PDE8B: variants seen among roughly 807,000 people sequenced by gnomAD.
PDE8B encodes the protein phosphodiesterase 8B, also known as high affinity cAMP-specific and IBMX-insensitive 3',5'-cyclic phosphodiesterase 8B.
PDE8B carries 26 observed loss-of-function variants against 101.3 expected under a neutral mutation model. That is an observed-to-expected ratio of 0.26 (90% CI 0.19 to 0.36). The LOEUF is 0.36. PDE8B is among the 10% of genes least tolerant of loss of function. The pLI is 1.00. For synonymous variants in PDE8B, 424 were observed against 429.3 expected (o/e 0.99, Z 0.15); for missense variants, 810 against 1,163.1 (o/e 0.70, Z 4.42).
At chr5:77,419,143 A>C (rs1451999671) in intron 18 of PDE8B, among the ~76,000 whole-genome samples, 1 of 152,146 alleles carries the variant, frequency 6.6e-6, no homozygotes, top group Non-Finnish European at 1.5e-5. Flanking sequence ...AGTATCGAGG[A>C]TGGGTTTTTA....
chr5:77,157,554 C>A, the PDE8B span, among the ~76,000 whole-genome samples: 1 of 152,074 alleles, frequency 6.6e-6, no homozygotes, highest in Non-Finnish European at 1.5e-5. Flanking sequence ...AGTCATGAGG[C>A]GAACTATATA....
At chr5:77,152,004 C>G in the PDE8B span, 1 of 152,168 alleles carries the variant, frequency 6.6e-6, no homozygotes, top group Non-Finnish European at 1.5e-5. Flanking sequence ...CACTGCTCCC[C>G]CTCCCCAACC....
the PDE8B span, among the ~76,000 whole-genome samples, chr5:77,156,388 AG>A: frequency 2.0e-5 from 3 of 152,332 alleles, no homozygotes; most frequent in East Asian, 5.8e-4. Flanking sequence ...TTCAGTGCTG[AG>A]GAGAGTTCAG....
intron 12 of PDE8B, among the ~76,000 whole-genome samples, chr5:77,406,398 G>A (rs1442348474): frequency 6.6e-6 from 1 of 152,230 alleles, no homozygotes; most frequent in East Asian, 1.9e-4. Context: ...AATATAAAGA[G>A]AATATGAATC....
In PDE8B at chr5:77,211,141, C is replaced by G. The variant is rs1316526567; in HGVS notation, c.216C>G (p.Thr72=). The change falls in exon 1 of 22, where the codon ACC becomes ACG. Residue 72 remains threonine, a synonymous_variant. Coordinates refer to ENST00000264917, the MANE Select transcript of PDE8B (RefSeq NM_003719.5). The surrounding 1 kb of genome is among the most constrained non-coding windows in gnomAD (Gnocchi z 4.1). ...TAGCCCGCGTCCGCAGGGCCCGCAC[C>G]GAGCTGGGCAGCGGTAGCAGCGCGG... ...PSVARVRRAR[T]ELGSGSSAGS... The G allele has an allele frequency of 1.8e-5, 28 of 1,524,314 alleles. No homozygotes were observed. Among genetic ancestry groups the G allele is most frequent in the Middle Eastern group, 1.9e-4 (1 of 5,232 alleles). 94.4% of individuals were successfully genotyped at this position (1,524,314 alleles called of 1,614,324 possible).
chr5:77,239,047 A>G (rs1038961645), intron 1 of PDE8B, among the ~76,000 whole-genome samples: 1 of 152,236 alleles, frequency 6.6e-6, no homozygotes, highest in African/African-American at 2.4e-5. Flanking sequence ...CCCTTAGCCC[A>G]GTCAAATTGA....
At chr5:77,240,620 C>G (rs1755587330) in intron 1 of PDE8B, among the ~76,000 whole-genome samples, 1 of 152,178 alleles carries the variant, frequency 6.6e-6, no homozygotes, top group African/African-American at 2.4e-5. Context: ...CTAGGGCTAG[C>G]TATTAATATC....
intron 1 of PDE8B, among the ~76,000 whole-genome samples, chr5:77,309,765 G>C (rs13170957): frequency 2.7e-5 from 4 of 150,914 alleles, no homozygotes; most frequent in Non-Finnish European, 4.4e-5. Context: ...GATTACAGGC[G>C]CCCAACACCA....
At chr5:77,136,943 T>C in the PDE8B span, among the ~76,000 whole-genome samples, 1 of 152,220 alleles carries the variant, frequency 6.6e-6, no homozygotes, top group Non-Finnish European at 1.5e-5. Flanking sequence ...AACAAATCTC[T>C]CTATTTTTAT....
At chr5:77,356,325 G>A (rs7723920) in intron 10 of PDE8B, among the ~76,000 whole-genome samples, 89,611 of 152,000 alleles carry the variant, frequency 0.59, 26,506 homozygotes, top group African/African-American at 0.63. Flanking sequence ...TCATGGCTCA[G>A]ACTTCAGAAT....
At chr5:77,347,895 G>C (rs1780429649) in intron 7 of PDE8B, among the ~76,000 whole-genome samples, 1 of 152,170 alleles carries the variant, frequency 6.6e-6, no homozygotes, top group Non-Finnish European at 1.5e-5. Context: ...CGGGAGGTAT[G>C]AGGCTGGCTT....
chr5:77,173,577 G>A, the PDE8B span, among the ~76,000 whole-genome samples: 1 of 152,138 alleles, frequency 6.6e-6, no homozygotes, highest in African/African-American at 2.4e-5. Context: ...AGAATAGCAA[G>A]TGAGTCAAAA....
intron 1 of PDE8B, among the ~76,000 whole-genome samples, chr5:77,284,618 G>C (rs578246042): frequency 3.3e-5 from 5 of 152,164 alleles, no homozygotes; most frequent in African/African-American, 4.8e-5. Flanking sequence ...TACTTCAGAA[G>C]CCTCTCTTGT....
intron 10 of PDE8B, among the ~76,000 whole-genome samples, chr5:77,387,845 CT>C (rs917530361): frequency 2.0e-5 from 3 of 151,832 alleles, no homozygotes; most frequent in African/African-American, 4.8e-5. Context: ...CTCTGATATC[CT>C]TTTTTCTGCT....
chr5:77,224,581 C>G (rs1452911028), intron 1 of PDE8B, among the ~76,000 whole-genome samples: 1 of 152,180 alleles, frequency 6.6e-6, no homozygotes, highest in Admixed American at 6.5e-5. Flanking sequence ...TTAGAAAACA[C>G]AACCACAATA....
intron 10 of PDE8B, among the ~76,000 whole-genome samples, chr5:77,357,613 T>A (rs1782341333): frequency 6.6e-6 from 1 of 152,044 alleles, no homozygotes; most frequent in African/African-American, 2.4e-5. Flanking sequence ...ATGTGTGCGG[T>A]CTGAGTGTGA....
intron 1 of PDE8B, among the ~76,000 whole-genome samples, chr5:77,236,532 A>C (rs1460547587): frequency 6.6e-6 from 1 of 152,140 alleles, no homozygotes; most frequent in Non-Finnish European, 1.5e-5. Context: ...GAAGAGGAGG[A>C]AGTGATTAAC....
chr5:77,102,141 C>A, the PDE8B span, among the ~76,000 whole-genome samples: 1 of 152,196 alleles, frequency 6.6e-6, no homozygotes, highest in Non-Finnish European at 1.5e-5. Context: ...GAATCCATAT[C>A]GTGTGCGAGT....
At chr5:77,135,599 C>T in the PDE8B span, among the ~76,000 whole-genome samples, 1 of 151,520 alleles carries the variant, frequency 6.6e-6, no homozygotes, top group East Asian at 2.0e-4. Flanking sequence ...GCCTCAGTCT[C>T]CTGAGTAGCT....
Sources: allele counts gnomAD v4.1 joint callset (sites outside exome capture counted in the v4.1 genomes callset), GRCh38; gene constraint gnomAD v4.1.1; non-coding constraint Gnocchi (gnomAD v3.1); transcripts MANE v1.5; gene names NCBI Gene and HGNC (gene_info 2026-07-23, HGNC 2026-07-21).